Variants in GLIPR1 observed in about 807,000 individuals in gnomAD.
GLIPR1 encodes glioma pathogenesis-related protein 1.
GLIPR1 carries 38 observed loss-of-function variants against 30.3 expected under a neutral mutation model. That is an observed-to-expected ratio of 1.26 (90% CI 0.97 to 1.65). The LOEUF is 1.65. Ranked by LOEUF, GLIPR1 falls within the 40% of genes most tolerant of loss-of-function variation. The probability of loss-of-function intolerance (pLI) is 0.00; values close to 1 mark genes in which losing one functional copy is unlikely to be tolerated. For missense variants in GLIPR1, 285 were observed against 326.5 expected, an observed-to-expected ratio of 0.87 and a Z score of 0.98; for synonymous variants, 122 against 110.6, an observed-to-expected ratio of 1.10 and a Z score of -0.65.
At chr12:75,483,275 C>T (rs1412651190) in intron 2 of GLIPR1, among the ~76,000 whole-genome samples, 1 of 152,134 alleles carries the variant, frequency 6.6e-6, no homozygotes, top group African/African-American at 2.4e-5. Context: ...ATCTAGATAG[C>T]CTACAAGTGG....
intron 4 of GLIPR1, 31 bp from the exon 5 acceptor site, chr12:75,498,663 T>A (rs1387533776): frequency 6.3e-7 from 1 of 1,582,464 alleles, no homozygotes; most frequent in African/African-American, 1.3e-5. Flanking sequence ...ACCCTTTTAA[T>A]TTTTTTTCTT....
rs1350904214 is a variant in GLIPR1 at position 75,490,265 on chromosome 12, C to T, written c.421-141C>T. On this transcript the variant is annotated intron_variant, in intron 2 of 5. Coordinates refer to ENST00000266659, the MANE Select transcript of GLIPR1 (RefSeq NM_006851.3). Reference sequence around the variant, plus strand: ...TAATGGTAACTACAGGTCTATCCAGCTGATTTCTGAGTATCTAAACCTTCC... The same window carrying T: ...TAATGGTAACTACAGGTCTATCCAGTTGATTTCTGAGTATCTAAACCTTCC... 5.2e-5 allele frequency: 31 copies of T among 593,886 alleles called. No homozygotes were observed. In the East Asian group the frequency reaches 8.6e-4, roughly 16 times the overall value. 36.8% of individuals were successfully genotyped at this position (593,886 alleles called of 1,614,324 possible).
In GLIPR1 at chr12:75,502,982, T is replaced by C. The variant is rs1048660184; in HGVS notation, c.*4004T>C. 6.6e-6 allele frequency: 1 copy of C among 151,862 alleles called. No homozygotes were observed. The highest frequency in any genetic ancestry group is 2.4e-5 in the African/African-American group (1 of 41,350). The allele number at this position is 151,862 out of a possible 1,614,324, so 9.4% of individuals were successfully genotyped here. Reference sequence around the variant, plus strand: ...AATCTTCCCTGAAAGACTCCAACCATGGTTGTGGAAAAAAGAGATGTAGAA... The same window carrying C: ...AATCTTCCCTGAAAGACTCCAACCACGGTTGTGGAAAAAAGAGATGTAGAA... On this transcript the variant is annotated 3_prime_UTR_variant, in exon 6 of 6. Transcript: ENST00000266659.
At position 75,499,707 on chromosome 12, in the gene GLIPR1, A is replaced by G. The variant is rs2046377638; in HGVS notation, c.*729A>G. The G allele has an allele frequency of 2.7e-5, 21 of 786,802 alleles. No individual in the cohort carries two copies. Among genetic ancestry groups the G allele is most frequent in the South Asian group, 2.5e-4 (11 of 43,262 alleles). The allele number at this position is 786,802 out of a possible 1,614,324, so 48.7% of individuals were successfully genotyped here. ...GAACAACCACCACCACCAAAAAAAA[A>G]AAAAGCCCTCAGAAAATTTCTCACA... On this transcript the variant is annotated 3_prime_UTR_variant, in exon 6 of 6. Coordinates refer to ENST00000266659, the MANE Select transcript of GLIPR1 (RefSeq NM_006851.3).
Position 75,490,399 on chromosome 12 carries a change from CT to C in GLIPR1, c.421-4del. 1.3e-6 allele frequency: 2 copies of C among 1,507,176 alleles called. No individual in the cohort carries two copies. Among genetic ancestry groups the C allele is most frequent in the Non-Finnish European group, 1.8e-6 (2 of 1,084,712 alleles). 93.4% of individuals were successfully genotyped at this position (1,507,176 alleles called of 1,614,324 possible). On this transcript the variant is annotated splice_polypyrimidine_tract_variant and splice_region_variant and intron_variant, in intron 2 of 5. Coordinates refer to ENST00000266659, the MANE Select transcript of GLIPR1 (RefSeq NM_006851.3). The stretch of plus-strand genomic sequence containing the variant: ...TTTCTCTGTTAAAAATCCTTATTTC[CT>C]TTCAGGTTGTTTGGGCAGATAGTTA...
At position 75,499,743 on chromosome 12, in the gene GLIPR1, C is replaced by T. The variant is rs1425228499; in HGVS notation, c.*765C>T. On this transcript the variant is annotated 3_prime_UTR_variant, in exon 6 of 6. Coordinates refer to ENST00000266659, the MANE Select transcript of GLIPR1 (RefSeq NM_006851.3). ...AGAAAATTTCTCACAAATAAGGCAACTAATGCCTGATATCTCAAAATCCTT... is the reference window on the plus strand; with the variant it reads ...AGAAAATTTCTCACAAATAAGGCAATTAATGCCTGATATCTCAAAATCCTT... The T allele has an allele frequency of 1.6e-6, 2 of 1,251,330 alleles. No homozygotes were observed. Among genetic ancestry groups the T allele is most frequent in the Non-Finnish European group, 2.2e-6 (2 of 923,446 alleles). The allele number at this position is 1,251,330 out of a possible 1,614,324, so 77.5% of individuals were successfully genotyped here. A position where few individuals can be genotyped will look rare whatever the true frequency, so the allele number is the denominator to read the frequency against.
intron 4 of GLIPR1, 136 bp downstream of exon 4, chr12:75,495,798 T>G (rs968277808): frequency 3.5e-6 from 2 of 565,210 alleles, no homozygotes; most frequent in Non-Finnish European, 6.5e-6. Context: ...ATTAAACCAA[T>G]GGCTTACTGT....
At position 75,502,471 on chromosome 12, in the gene GLIPR1, T is replaced by A. The variant is rs2120604030; in HGVS notation, c.*3493T>A. 1 of 153,940 alleles carries A rather than the reference T, an allele frequency of 6.5e-6. No individual in the cohort carries two copies. The highest frequency in any genetic ancestry group is 1.4e-5 in the Non-Finnish European group (1 of 69,104). 9.5% of individuals were successfully genotyped at this position (153,940 alleles called of 1,614,324 possible). A position where few individuals can be genotyped will look rare whatever the true frequency, so the allele number is the denominator to read the frequency against. On this transcript the variant is annotated 3_prime_UTR_variant, in exon 6 of 6. Transcript: ENST00000266659. ...AATAAAAGCCAGAACTATCAGGAAT[T>A]GGTGACTAATTAGCAAAAGCAACAG...
At chr12:75,496,778 C>T (rs2046354364) in intron 4 of GLIPR1, 1 of 152,252 alleles carries the variant, frequency 6.6e-6, no homozygotes, top group South Asian at 2.1e-4. Context: ...TTTATAAGGT[C>T]CCTTGCAGGC....
At position 75,495,530 on chromosome 12, in the gene GLIPR1, T is replaced by A. The variant is rs755350205; in HGVS notation, c.534-47T>A. ...AAGGATTCATAGTAAATTGCAATTTTAAAAAACCGAAAAACTTCTAATGGA... is the reference window on the plus strand; with the variant it reads ...AAGGATTCATAGTAAATTGCAATTTAAAAAAACCGAAAAACTTCTAATGGA... On this transcript the variant is annotated intron_variant, in intron 3 of 5. Transcript: ENST00000266659. The A allele has an allele frequency of 2.7e-6, 3 of 1,114,482 alleles. No homozygotes were observed. In the Admixed American group the frequency reaches 5.3e-5, roughly 20 times the overall value. The allele number at this position is 1,114,482 out of a possible 1,614,324, so 69.0% of individuals were successfully genotyped here.
At chr12:75,496,513 G>C (rs1274934345) in intron 4 of GLIPR1, 1 of 152,124 alleles carries the variant, frequency 6.6e-6, no homozygotes, top group Non-Finnish European at 1.5e-5. Flanking sequence ...ATATTAGTAA[G>C]TGACCAAGAG....
Position 75,498,870 on chromosome 12 carries a change from CA to C in GLIPR1, c.694del (p.Arg232AspfsTer12), listed in dbSNP as rs761095093. The C allele has an allele frequency of 2.5e-6, 4 of 1,610,972 alleles. No homozygotes were observed. In the East Asian group the frequency reaches 6.7e-5, roughly 27 times the overall value. On this transcript the variant is annotated frameshift_variant, in exon 6 of 6. Transcript: ENST00000266659. LOFTEE classifies it low-confidence loss of function (END_TRUNC). ...CAGGCTGGCCCATATATCCACGTAACAGATACACTTCTCTCTTTCTCATTGT... is the reference window on the plus strand; with the variant it reads ...CAGGCTGGCCCATATATCCACGTAACGATACACTTCTCTCTTTCTCATTGT... ...YPGWPIYPRN[R>X]YTSLFLIVNS...
intron 4 of GLIPR1, chr12:75,495,997 G>GT (rs370713345): frequency 0.39 from 51,228 of 131,964 alleles, 10,100 homozygotes; most frequent in Non-Finnish European, 0.45. Flanking sequence ...TTCTGTTTTC[G>GT]TTTTTTTTTT....
In GLIPR1 at chr12:75,481,842, C is replaced by T. The variant is rs1168544690; in HGVS notation, c.183C>T (p.Asp61=). The change falls in exon 2 of 6, where the codon GAC becomes GAT. Residue 61 remains aspartate, a synonymous_variant. Coordinates refer to ENST00000266659, the MANE Select transcript of GLIPR1 (RefSeq NM_006851.3). ...AATGTTTATTTTTGCAGACTTGGGA[C>T]CCAGCACTAGCCCAAATTGCAAAAG... ...TASDMLYMTW[D]PALAQIAKAW... The T allele has an allele frequency of 1.9e-6, 3 of 1,613,808 alleles. No homozygotes were observed. Among genetic ancestry groups the T allele is most frequent in the Non-Finnish European group, 2.5e-6 (3 of 1,179,850 alleles).
intron 4 of GLIPR1, chr12:75,498,110 A>G (rs1241078739): frequency 1.3e-5 from 2 of 152,468 alleles, no homozygotes; most frequent in Admixed American, 6.5e-5. Context: ...AAAGGTTTCT[A>G]TTTTATAAAA....
At chr12:75,481,684 C>G (rs1167637909) in intron 1 of GLIPR1, 150 bp from the exon 2 acceptor site, 5 of 696,146 alleles carry the variant, frequency 7.2e-6, no homozygotes, top group East Asian at 5.0e-5. Context: ...ACCAGCCCTA[C>G]TCAGTGCTTG....
chr12:75,501,936 A>T lies in GLIPR1; in HGVS notation c.*2958A>T. The T allele has an allele frequency of 6.2e-7, 1 of 1,612,464 alleles. No homozygotes were observed. The highest frequency in any genetic ancestry group is 1.1e-5 in the South Asian group (1 of 91,026). On this transcript the variant is annotated 3_prime_UTR_variant, in exon 6 of 6. Coordinates refer to ENST00000266659, the MANE Select transcript of GLIPR1 (RefSeq NM_006851.3). ...AAAGTGCCGTACCTTTATTGCTTCC[A>T]TTTTCTGCCGCTTCTTCTGATTTGC... is the stretch of plus-strand genomic sequence containing the variant.
At chr12:75,493,836 A>G (rs1421141833) in intron 3 of GLIPR1, 1 of 152,142 alleles carries the variant, frequency 6.6e-6, no homozygotes, top group African/African-American at 2.4e-5. Flanking sequence ...GAATACTACC[A>G]TTTCCACAGA....
At chr12:75,498,616 G>C in intron 4 of GLIPR1, 78 bp from the exon 5 acceptor site, 1 of 1,158,178 alleles carries the variant, frequency 8.6e-7, no homozygotes, top group Non-Finnish European at 1.3e-6. Context: ...ATAATTATAA[G>C]ACTTAGCTTT....
Sources: allele counts gnomAD v4.1 joint callset (sites outside exome capture counted in the v4.1 genomes callset), GRCh38; gene constraint gnomAD v4.1.1; transcripts MANE v1.5; gene names NCBI Gene and HGNC (gene_info 2026-07-23, HGNC 2026-07-21).